ANK3: variants seen among roughly 807,000 people sequenced by gnomAD.
ANK3 encodes the protein ankyrin-3.
ANK3 carries 57 observed loss-of-function variants against 370.9 expected under a neutral mutation model. That is an observed-to-expected ratio of 0.15 (90% CI 0.12 to 0.19). The LOEUF is 0.19. Ranked by LOEUF, ANK3 falls within the 10% of genes least tolerant of loss-of-function variation. The probability of loss-of-function intolerance (pLI) is 1.00; values close to 1 mark genes in which losing one functional copy is unlikely to be tolerated. For missense variants in ANK3, 4,439 were observed against 5,302.1 expected (o/e 0.84, Z 5.06); for synonymous variants, 1,929 against 1,946.3 (o/e 0.99, Z 0.23).
chr10:60,318,539 C>T (rs1019256774), intron 1 of ANK3, among the ~76,000 whole-genome samples: 6 of 152,098 alleles, frequency 3.9e-5, no homozygotes, highest in African/African-American at 9.7e-5. Flanking sequence ...AAGCAAAATT[C>T]AATTGTAATA....
At chr10:60,149,079 C>A (rs1392810647) in intron 23 of ANK3, among the ~76,000 whole-genome samples, 2 of 152,122 alleles carry the variant, frequency 1.3e-5, no homozygotes, top group African/African-American at 4.8e-5. Flanking sequence ...ACCCAAATTG[C>A]CTATCATTGT....
At chr10:60,242,248 C>G (rs920250553) in intron 7 of ANK3, among the ~76,000 whole-genome samples, 4 of 151,992 alleles carry the variant, frequency 2.6e-5, no homozygotes, top group Admixed American at 6.6e-5. Flanking sequence ...AGCAAATCAC[C>G]CAGAACAAAC....
At chr10:60,150,414 G>C (rs1590873368) in intron 23 of ANK3, among the ~76,000 whole-genome samples, 1 of 152,106 alleles carries the variant, frequency 6.6e-6, no homozygotes, top group East Asian at 1.9e-4. Flanking sequence ...TTTAAAGTTT[G>C]TTTTTGAGGT....
chr10:60,137,656 G>T (rs897726596), intron 24 of ANK3, among the ~76,000 whole-genome samples: 2 of 151,926 alleles, frequency 1.3e-5, no homozygotes, highest in Non-Finnish European at 2.9e-5. Context: ...AATTAGAAGT[G>T]TGAAAGCCTT....
intron 28 of ANK3, among the ~76,000 whole-genome samples, chr10:60,090,584 T>C (rs554126541): frequency 1.3e-5 from 2 of 152,262 alleles, no homozygotes; most frequent in African/African-American, 4.8e-5. Flanking sequence ...GGATGGCAGA[T>C]AAGTCAATAG....
chr10:60,513,583 A>G (rs2076143071), intron 2 of ANK3, among the ~76,000 whole-genome samples: 1 of 152,138 alleles, frequency 6.6e-6, no homozygotes. Flanking sequence ...AAAGGTTGGT[A>G]AAATATGAGT....
chr10:60,350,698 G>C (rs2056672860), intron 1 of ANK3, among the ~76,000 whole-genome samples: 1 of 152,200 alleles, frequency 6.6e-6, no homozygotes, highest in African/African-American at 2.4e-5. Flanking sequence ...AAGGTTGCTG[G>C]TACAGGCAGA....
chr10:60,174,401 CA>C (rs1373858666), intron 18 of ANK3, among the ~76,000 whole-genome samples: 2 of 152,122 alleles, frequency 1.3e-5, no homozygotes, highest in Non-Finnish European at 2.9e-5. Context: ...TTTTGGTGAC[CA>C]GAATCCATTT....
intron 1 of ANK3, among the ~76,000 whole-genome samples, chr10:60,688,147 G>T (rs1027067442): frequency 1.3e-5 from 2 of 151,874 alleles, no homozygotes; most frequent in Non-Finnish European, 2.9e-5. Context: ...TCGGCTCACT[G>T]CAACCTCTGC....
chr10:60,644,890 T>TA (rs10686327), intron 1 of ANK3, among the ~76,000 whole-genome samples: 84 of 125,952 alleles, frequency 6.7e-4, no homozygotes, highest in African/African-American at 1.2e-3. Context: ...AGTTTTAGTT[T>TA]AAAAAAAAAA....
chr10:60,679,784 C>T (rs1016835252), intron 1 of ANK3, among the ~76,000 whole-genome samples: 2 of 152,134 alleles, frequency 1.3e-5, no homozygotes, highest in East Asian at 3.9e-4. Context: ...TCCAAGTGTA[C>T]TTTACTTCCT....
intron 27 of ANK3, among the ~76,000 whole-genome samples, chr10:60,107,547 T>C (rs1349274720): frequency 7.9e-5 from 12 of 152,164 alleles, no homozygotes; most frequent in East Asian, 1.9e-4. Context: ...AAACAACAAA[T>C]ACCAATGCAT....
chr10:60,733,303 G>T (rs2080054432), exon 1 of ANK3: 1 of 1,236,278 alleles, frequency 8.1e-7, no homozygotes, highest in South Asian at 4.0e-5. Flanking sequence ...GGGAGAGGAG[G>T]AGGCGGAGGA....
intron 7 of ANK3, among the ~76,000 whole-genome samples, chr10:60,260,607 G>A (rs1163616411): frequency 2.0e-5 from 3 of 152,186 alleles, no homozygotes; most frequent in African/African-American, 7.2e-5. Context: ...GGTGGGAGGT[G>A]ATTGGATCAT....
At chr10:60,602,208 A>G (rs537050693) in intron 2 of ANK3, among the ~76,000 whole-genome samples, 28 of 152,166 alleles carry the variant, frequency 1.8e-4, no homozygotes, top group Non-Finnish European at 3.8e-4. Flanking sequence ...CAGTTTGACT[A>G]CTGGCATTAT....
chr10:60,407,294 T>C (rs950974535), intron 2 of ANK3, among the ~76,000 whole-genome samples: 1 of 152,226 alleles, frequency 6.6e-6, no homozygotes, highest in Non-Finnish European at 1.5e-5. Context: ...CCCTAAGCTC[T>C]TATTTCTGGC....
intron 7 of ANK3, among the ~76,000 whole-genome samples, chr10:60,242,376 ACT>A (rs2097478177): frequency 6.6e-6 from 1 of 152,200 alleles, no homozygotes; most frequent in Non-Finnish European, 1.5e-5. Flanking sequence ...CTTTAGAATA[ACT>A]CTTAAAAGGT....
intron 2 of ANK3, among the ~76,000 whole-genome samples, chr10:60,486,521 A>G (rs1401086543): frequency 6.6e-6 from 1 of 152,234 alleles, no homozygotes; most frequent in Non-Finnish European, 1.5e-5. Flanking sequence ...CAGAGGTTGC[A>G]GTGAGCTGAG....
At chr10:60,348,052 T>A (rs1303350984) in intron 1 of ANK3, among the ~76,000 whole-genome samples, 1 of 152,076 alleles carries the variant, frequency 6.6e-6, no homozygotes, top group Non-Finnish European at 1.5e-5. Context: ...GTACTTGAAG[T>A]GTCAGCCAGA....
Sources: gnomAD v4.1 joint callset for allele counts (sites outside exome capture counted in the v4.1 genomes callset) on GRCh38, gnomAD v4.1.1 for gene constraint, MANE v1.5 for transcripts, NCBI Gene and HGNC (gene_info 2026-07-23, HGNC 2026-07-21) for gene names.